SIAH3: variants seen among roughly 807,000 people sequenced by gnomAD.
SIAH3 encodes the protein siah E3 ubiquitin protein ligase family member 3.
Under a neutral mutation model 12.6 loss-of-function variants are expected in SIAH3, and 9 were observed. The observed-to-expected ratio is 0.72, with a 90% CI of 0.43 to 1.25. SIAH3 has a LOEUF of 1.25. Among genes scored for constraint, SIAH3 ranks in the 50% most tolerant of loss-of-function variants. SIAH3 has a pLI of 0.00. For missense variants in SIAH3, 390 were observed against 365.4 expected (o/e 1.07, Z -0.55); for synonymous variants, 154 against 151.1 (o/e 1.02, Z -0.14).
intron 1 of SIAH3, among the ~76,000 whole-genome samples, chr13:45,850,786 C>T (rs1950777825): frequency 6.6e-6 from 1 of 152,098 alleles, no homozygotes; most frequent in African/African-American, 2.4e-5. Context: ...CACCCAGCTG[C>T]CTAGGGTGCT....
rs1555257365 is a variant in SIAH3, at chr13:45,801,100, G to GGA, written c.136-17044_136-17043insTC. 1.2e-4 allele frequency among the ~76,000 whole-genome samples: 18 copies of GGA among 144,552 alleles called. No homozygotes were observed. In the East Asian group the frequency reaches 1.8e-3, roughly 14 times the overall value. The allele number at this position is 144,552 out of a possible 152,430, so 94.8% of individuals were successfully genotyped here. Reference sequence around the variant, plus strand: ...CTGGGTGAAGTGATGGGTGGCGGGGGGGGGCATGGCTGTAGACGTTGCTAT... The same window carrying GGA: ...CTGGGTGAAGTGATGGGTGGCGGGGGGAGGGGCATGGCTGTAGACGTTGCTAT... On this transcript the variant is annotated intron_variant, in intron 1 of 1. Transcript: ENST00000400405.
At chr13:45,831,631 A>T (rs1442115715) in intron 1 of SIAH3, among the ~76,000 whole-genome samples, 3 of 152,148 alleles carry the variant, frequency 2.0e-5, no homozygotes, top group Non-Finnish European at 4.4e-5. Flanking sequence ...CCATAGAAAC[A>T]CAAAGCAATA....
intron 1 of SIAH3, among the ~76,000 whole-genome samples, chr13:45,837,973 G>T (rs6561267): frequency 0.66 from 100,855 of 152,060 alleles, 34,884 homozygotes; most frequent in East Asian, 0.94. Flanking sequence ...AATTAACCTC[G>T]TTTCATTCTC....
chr13:45,808,990 C>T (rs1306606856), intron 1 of SIAH3, among the ~76,000 whole-genome samples: 3 of 152,216 alleles, frequency 2.0e-5, no homozygotes, highest in Non-Finnish European at 4.4e-5. Context: ...TTTTCGCCTT[C>T]GGCAGTACAT....
intron 1 of SIAH3, among the ~76,000 whole-genome samples, chr13:45,806,803 T>C (rs9590930): frequency 0.37 from 56,570 of 152,022 alleles, 11,184 homozygotes; most frequent in Non-Finnish European, 0.42. Context: ...GACAGAAACT[T>C]CCTTAACAAG....
intron 1 of SIAH3, among the ~76,000 whole-genome samples, chr13:45,807,583 G>C (rs765560932): frequency 6.6e-6 from 1 of 152,170 alleles, no homozygotes; most frequent in Non-Finnish European, 1.5e-5. Flanking sequence ...TTTTAAATCT[G>C]TATTCCCCAT....
At position 45,781,066 on chromosome 13, in the gene SIAH3, G is replaced by A. The variant is rs1304372128; in HGVS notation, c.*2317C>T. On this transcript the variant is annotated 3_prime_UTR_variant, in exon 2 of 2. Transcript: ENST00000400405. ...CCATGCTTTGTCCTAAAGCTTTCTA[G>A]GAACAAAAATATAAGCTCCCATCTG... 6.6e-6 allele frequency: 1 copy of A among 152,572 alleles called. No homozygotes were observed. Among genetic ancestry groups the A allele is most frequent in the African/African-American group, 2.4e-5 (1 of 41,436 alleles). The allele number at this position is 152,572 out of a possible 1,614,324, so 9.5% of individuals were successfully genotyped here. A position where few individuals can be genotyped will look rare whatever the true frequency, so the allele number is the denominator to read the frequency against.
At position 45,778,596 on chromosome 13, in the gene SIAH3, C is replaced by T. The variant is rs1161975486; in HGVS notation, c.*4787G>A. The T allele has an allele frequency of 6.6e-6, 1 of 152,226 alleles. No homozygotes were observed. The highest frequency in any genetic ancestry group is 1.5e-5 in the Non-Finnish European group (1 of 68,082). 9.4% of individuals were successfully genotyped at this position (152,226 alleles called of 1,614,324 possible). On this transcript the variant is annotated 3_prime_UTR_variant, in exon 2 of 2. Coordinates refer to ENST00000400405, the MANE Select transcript of SIAH3 (RefSeq NM_198849.3). ...TTATGCCCTTGTCAGTACGGCCTTC[C>T]AGGGCCTTGCTTCTCCTTCCAAAGT...
chr13:45,789,054 G>A (rs1188326589), intron 1 of SIAH3, among the ~76,000 whole-genome samples: 1 of 152,096 alleles, frequency 6.6e-6, no homozygotes, highest in Non-Finnish European at 1.5e-5. Context: ...CTGCTAGGAG[G>A]GGAGAAGAAC....
At chr13:45,826,424 G>A (rs1247996580) in intron 1 of SIAH3, among the ~76,000 whole-genome samples, 1 of 113,082 alleles carries the variant, frequency 8.8e-6, no homozygotes, top group Non-Finnish European at 1.8e-5. Context: ...TGGATGGATG[G>A]ATGGATGAAT....
intron 1 of SIAH3, among the ~76,000 whole-genome samples, chr13:45,820,172 C>A (rs773371282): frequency 6.6e-6 from 1 of 152,192 alleles, no homozygotes; most frequent in Non-Finnish European, 1.5e-5. Flanking sequence ...TAAGTTTCAA[C>A]CCTGAATTTA....
In SIAH3 at chr13:45,783,811, G is replaced by T; in HGVS notation, c.382C>A (p.Arg128=). The change falls in exon 2 of 2, where the codon CGG becomes AGG. Residue 128 remains arginine, a synonymous_variant. Transcript: ENST00000400405. ...GRLEVVVPHL[R]QIHRVDILQG... Reference sequence around the variant, plus strand: ...AGGATGTCAACCCTATGGATCTGCCGCAGGTGGGGCACCACCACCTCCAGG... The same window carrying T: ...AGGATGTCAACCCTATGGATCTGCCTCAGGTGGGGCACCACCACCTCCAGG... 6.2e-7 allele frequency: 1 copy of T among 1,614,186 alleles called. No homozygotes were observed. Among genetic ancestry groups the T allele is most frequent in the East Asian group, 2.2e-5 (1 of 44,878 alleles).
chr13:45,798,348 C>T (rs368356922), intron 1 of SIAH3, among the ~76,000 whole-genome samples: 12 of 152,286 alleles, frequency 7.9e-5, no homozygotes, highest in African/African-American at 2.2e-4. Flanking sequence ...AATCACGCAA[C>T]GAATATAAAT....
At position 45,780,155 on chromosome 13, in the gene SIAH3, CTA is replaced by C. The variant is rs1566084396; in HGVS notation, c.*3226_*3227del. ...GTTCTGTGCAGGGACTCCTGGGACT[CTA>C]AGGTGAGAAACCTGGGTGTGGGCAA... is the stretch of plus-strand genomic sequence containing the variant. On this transcript the variant is annotated 3_prime_UTR_variant, in exon 2 of 2. Coordinates refer to ENST00000400405, the MANE Select transcript of SIAH3 (RefSeq NM_198849.3). 1 of 152,230 alleles carries C rather than the reference CTA, an allele frequency of 6.6e-6. No homozygotes were observed. Among genetic ancestry groups the C allele is most frequent in the Non-Finnish European group, 1.5e-5 (1 of 68,072 alleles). 9.4% of individuals were successfully genotyped at this position (152,230 alleles called of 1,614,324 possible). A position where few individuals can be genotyped will look rare whatever the true frequency, so the allele number is the denominator to read the frequency against.
chr13:45,836,771 T>G (rs1454291606), intron 1 of SIAH3, among the ~76,000 whole-genome samples: 1 of 152,102 alleles, frequency 6.6e-6, no homozygotes, highest in Non-Finnish European at 1.5e-5. Flanking sequence ...TACCCCAAAC[T>G]TAAAAGTTGA....
chr13:45,832,391 T>G (rs1163865389), intron 1 of SIAH3, among the ~76,000 whole-genome samples: 1 of 152,226 alleles, frequency 6.6e-6, no homozygotes, highest in Non-Finnish European at 1.5e-5. Context: ...TAATCTACTT[T>G]CTGTCTCTAT....
chr13:45,791,154 C>A (rs918924306), intron 1 of SIAH3, among the ~76,000 whole-genome samples: 3 of 150,884 alleles, frequency 2.0e-5, no homozygotes, highest in Non-Finnish European at 4.4e-5. Context: ...TGGAGTGAGA[C>A]CCTGTCTCAA....
intron 1 of SIAH3, among the ~76,000 whole-genome samples, chr13:45,802,473 G>C (rs1403982894): frequency 6.6e-6 from 1 of 152,132 alleles, no homozygotes; most frequent in Admixed American, 6.5e-5. Flanking sequence ...TTGGATGTGG[G>C]AATGTGACCC....
intron 1 of SIAH3, among the ~76,000 whole-genome samples, chr13:45,799,742 T>C (rs773294011): frequency 2.6e-5 from 4 of 152,200 alleles, no homozygotes; most frequent in South Asian, 2.1e-4. Flanking sequence ...ATTATCCCCA[T>C]GTGTATTATC....
Sources: gnomAD v4.1 joint callset for allele counts (sites outside exome capture counted in the v4.1 genomes callset) on GRCh38, gnomAD v4.1.1 for gene constraint, MANE v1.5 for transcripts, NCBI Gene and HGNC (gene_info 2026-07-23, HGNC 2026-07-21) for gene names.